The following MRM1 variants were observed in gnomAD, a reference collection of about 807,000 sequenced individuals.
MRM1 encodes mitochondrial rRNA methyltransferase 1.
Under a neutral mutation model 25.0 loss-of-function variants are expected in MRM1, and 24 were observed. The observed-to-expected ratio is 0.96, with a 90% CI of 0.69 to 1.35. The LOEUF is 1.35. Ranked by LOEUF, MRM1 falls within the 40% of genes most tolerant of loss-of-function variation. MRM1 has a pLI of 0.00. For synonymous variants in MRM1, 188 were observed against 199.2 expected (o/e 0.94, Z 0.47); for missense variants, 431 against 464.1 (o/e 0.93, Z 0.65).
chr17:36,630,627 GC>G, the MRM1 span, among the ~76,000 whole-genome samples: 31 of 152,190 alleles, frequency 2.0e-4, no homozygotes, highest in African/African-American at 6.5e-4. Context: ...ATCCCTGAAT[GC>G]TAATAGGGAT....
the MRM1 span, chr17:36,634,336 T>C: frequency 6.6e-6 from 1 of 152,336 alleles, no homozygotes; most frequent in Middle Eastern, 3.4e-3. Flanking sequence ...CGACCTGCTG[T>C]AGCCCTCCCA....
the MRM1 span, among the ~76,000 whole-genome samples, chr17:36,620,272 C>T: frequency 2.1e-5 from 3 of 140,980 alleles, no homozygotes; most frequent in Non-Finnish European, 4.6e-5. Flanking sequence ...CCAAACCACT[C>T]CTTTATGCTG....
chr17:36,628,350 G>A, the MRM1 span, among the ~76,000 whole-genome samples: 1,967 of 152,308 alleles, frequency 0.013, 43 homozygotes, highest in African/African-American at 0.045. Context: ...TGCAGAACAG[G>A]CTTCTCTAAC....
At chr17:36,633,138 C>T in the MRM1 span, among the ~76,000 whole-genome samples, 11 of 152,162 alleles carry the variant, frequency 7.2e-5, no homozygotes, top group Non-Finnish European at 1.5e-4. Flanking sequence ...TCCTTCACCG[C>T]GGGGATCACA....
At chr17:36,605,558 G>A (rs750601354) in intron 2 of MRM1, among the ~76,000 whole-genome samples, 2 of 150,226 alleles carry the variant, frequency 1.3e-5, no homozygotes, top group Admixed American at 6.7e-5. Flanking sequence ...TCAAATTCCC[G>A]CCCAAGTGTA....
the MRM1 span, among the ~76,000 whole-genome samples, chr17:36,633,136 C>T: frequency 2.0e-5 from 3 of 152,166 alleles, no homozygotes; most frequent in African/African-American, 4.8e-5. Flanking sequence ...TCTCCTTCAC[C>T]GCGGGGATCA....
At chr17:36,612,299 C>T (rs1266918671), downstream of MRM1, among the ~76,000 whole-genome samples, 3 of 152,188 alleles carry the variant, frequency 2.0e-5, no homozygotes, top group African/African-American at 7.2e-5. Context: ...TCTGGGAAGA[C>T]AGGTTCACTT....
At chr17:36,620,318 G>A in the MRM1 span, among the ~76,000 whole-genome samples, 1 of 152,072 alleles carries the variant, frequency 6.6e-6, no homozygotes, top group Non-Finnish European at 1.5e-5. Context: ...GGGAGGGAAT[G>A]GTCAGGGACT....
chr17:36,602,275 T>A lies in MRM1; in HGVS notation c.465T>A (p.Asp155Glu). ...GGCTCGTCCTCGATGGGATCCAGGA[T>A]CCCCGGAATTTTGGGGCTGTGCTGC... ...QLWLVLDGIQ[D>E]PRNFGAVLRS... The change falls in exon 1 of 5, where the codon GAT becomes GAA. Residue 155 changes from aspartate to glutamate, a missense_variant. By Grantham distance (45) the Asp-to-Glu change is conservative. Coordinates refer to ENST00000614766, the MANE Select transcript of MRM1 (RefSeq NM_024864.5). The surrounding 1 kb of genome is among the most constrained non-coding windows in gnomAD (Gnocchi z 4.1). The A allele has an allele frequency of 1.2e-6, 2 of 1,603,062 alleles. No homozygotes were observed. Among genetic ancestry groups the A allele is most frequent in the Non-Finnish European group, 1.7e-6 (2 of 1,172,564 alleles).
chr17:36,610,330 T>A (rs1329107005), downstream of MRM1, among the ~76,000 whole-genome samples: 3 of 151,984 alleles, frequency 2.0e-5, no homozygotes, highest in African/African-American at 7.3e-5. Flanking sequence ...CCTTCCGAGT[T>A]CATGCCACTC....
chr17:36,608,592 G>T lies in MRM1; in HGVS notation c.*177G>T. The T allele has an allele frequency of 2.3e-6, 1 of 438,774 alleles. No individual in the cohort carries two copies. 27.2% of individuals were successfully genotyped at this position (438,774 alleles called of 1,614,324 possible). A position where few individuals can be genotyped will look rare whatever the true frequency, so the allele number is the denominator to read the frequency against. On this transcript the variant is annotated 3_prime_UTR_variant, in exon 5 of 5. Coordinates refer to ENST00000614766, the MANE Select transcript of MRM1 (RefSeq NM_024864.5). ...ACACCAGAGGAAGCTGTTTCCTGTT[G>T]TGATGTTGGACCTGTAGTAGGACAT...
chr17:36,632,607 C>T, the MRM1 span, among the ~76,000 whole-genome samples: 1 of 152,138 alleles, frequency 6.6e-6, no homozygotes, highest in East Asian at 1.9e-4. Flanking sequence ...TGCTCCCCCC[C>T]ACTGCCATCT....
At position 36,608,285 on chromosome 17, in the gene MRM1, C is replaced by T. The variant is rs1262687129; in HGVS notation, c.932C>T (p.Pro311Leu). ...HSICSQRKGF[P>L]TEGERRQLLQ... ...ATTTGCAGCCAGAGGAAGGGTTTCC[C>T]CACAGAGGGGGAGAGAAGGCAGCTT... The change falls in exon 5 of 5, where the codon CCC (proline) becomes CTC (leucine). Residue 311 changes from proline (P) to leucine (L), a missense_variant. Coordinates refer to ENST00000614766, the MANE Select transcript of MRM1 (RefSeq NM_024864.5). 1.8e-5 allele frequency: 28 copies of T among 1,599,942 alleles called. No homozygotes were observed. The highest frequency in any genetic ancestry group is 2.4e-5 in the Non-Finnish European group (28 of 1,173,990).
In MRM1 at chr17:36,607,882, AG is replaced by A; in HGVS notation, c.770-16del. 2 of 1,613,180 alleles carry A rather than the reference AG, an allele frequency of 1.2e-6. No homozygotes were observed. The highest frequency in any genetic ancestry group is 1.7e-6 in the Non-Finnish European group (2 of 1,179,372). On this transcript the variant is annotated splice_polypyrimidine_tract_variant and intron_variant, in intron 3 of 4. Transcript: ENST00000614766. Reference sequence around the variant, plus strand: ...GTCCAGCTGGGCAACCCTAACCCTCAGCCCCACGCCCTGCAGGGAATGAGGG... The same window carrying A: ...GTCCAGCTGGGCAACCCTAACCCTCACCCCACGCCCTGCAGGGAATGAGGG...
chr17:36,608,536 G>C lies in MRM1; in HGVS notation c.*121G>C. On this transcript the variant is annotated 3_prime_UTR_variant, in exon 5 of 5. Transcript: ENST00000614766. ...ACCAGGCCCATGTTTATTGACCACAGTCTGGGGGGGGGGGAAGGGGACTGC... is the reference window on the plus strand; with the variant it reads ...ACCAGGCCCATGTTTATTGACCACACTCTGGGGGGGGGGGAAGGGGACTGC... The C allele has an allele frequency of 5.2e-6, 2 of 386,320 alleles. No individual in the cohort carries two copies. The highest frequency in any genetic ancestry group is 8.7e-6 in the Non-Finnish European group (2 of 229,992). The allele number at this position is 386,320 out of a possible 1,614,324, so 23.9% of individuals were successfully genotyped here. A position where few individuals can be genotyped will look rare whatever the true frequency, so the allele number is the denominator to read the frequency against.
rs761118559 is a variant in MRM1, at chr17:36,607,960, C to A, written c.831C>A (p.Ile277=). ...CCTCCTGCCAGCTTCTCCTCACCAT[C>A]CTGCCCCGGCGCCAGCTGCCTCCTG... ...VQASCQLLLT[I]LPRRQLPPGL... The change falls in exon 4 of 5, where the codon ATC becomes ATA. Residue 277 remains isoleucine, a synonymous_variant. Coordinates refer to ENST00000614766, the MANE Select transcript of MRM1 (RefSeq NM_024864.5). 9.3e-6 allele frequency: 15 copies of A among 1,614,186 alleles called. No individual in the cohort carries two copies. In the East Asian group the frequency reaches 3.1e-4, roughly 34 times the overall value.
In MRM1 at chr17:36,604,676, C is replaced by T. The variant is rs563824220; in HGVS notation, c.636+2030C>T. Among the ~76,000 whole-genome samples the T allele has an allele frequency of 2.0e-5, 3 of 151,838 alleles. 1 individual carries two copies. The South Asian group carries it at 6.3e-4, about 32-fold the overall frequency. ...AAAAAATTAGCTGGGTGTGGTGGTT[C>T]GTGCCTGTAGTCCCAGCTACTCGGG... On this transcript the variant is annotated intron_variant, in intron 2 of 4. Coordinates refer to ENST00000614766, the MANE Select transcript of MRM1 (RefSeq NM_024864.5).
chr17:36,611,613 A>G (rs770453226), downstream of MRM1, among the ~76,000 whole-genome samples: 1 of 152,150 alleles, frequency 6.6e-6, no homozygotes, highest in Admixed American at 6.5e-5. Flanking sequence ...TAACGTTTAC[A>G]TTGGTAGACT....
At chr17:36,629,704 G>C in the MRM1 span, among the ~76,000 whole-genome samples, 1 of 150,776 alleles carries the variant, frequency 6.6e-6, no homozygotes, top group South Asian at 2.1e-4. Flanking sequence ...GGGACCAGAG[G>C]GCAGCTGGAG....
Sources: allele counts gnomAD v4.1 joint callset (sites outside exome capture counted in the v4.1 genomes callset), GRCh38; gene constraint gnomAD v4.1.1; non-coding constraint Gnocchi (gnomAD v3.1); transcripts MANE v1.5; gene names NCBI Gene and HGNC (gene_info 2026-07-23, HGNC 2026-07-21).